The following SDK1 variants were observed in gnomAD, a reference collection of about 807,000 sequenced individuals.
SDK1 encodes the protein protein sidekick-1.
A neutral mutation model predicts 245.5 loss-of-function variants in SDK1; 157 were observed. That is an observed-to-expected ratio of 0.64 (90% confidence interval 0.56 to 0.73). The LOEUF (loss-of-function observed/expected upper bound fraction) is 0.73. SDK1 is among the 30% of genes least tolerant of loss of function. The pLI, the probability that SDK1 is intolerant of heterozygous loss-of-function variation, is 0.00. For synonymous variants in SDK1, 1,647 were observed against 1,278.5 expected, an observed-to-expected ratio of 1.29 and a Z score of -6.15; for missense variants, 3,583 against 3,002.3, an observed-to-expected ratio of 1.19 and a Z score of -4.52.
At chr7:3,832,041 A>G (rs1779925392) in intron 5 of SDK1, among the ~76,000 whole-genome samples, 1 of 152,094 alleles carries the variant, frequency 6.6e-6, no homozygotes, top group Admixed American at 6.6e-5. Flanking sequence ...ACACAGCAAG[A>G]CCCTGTCTCT....
intron 5 of SDK1, among the ~76,000 whole-genome samples, chr7:3,860,622 A>G (rs1201082380): frequency 1.3e-5 from 2 of 152,166 alleles, no homozygotes; most frequent in Admixed American, 6.5e-5. Context: ...AATAACTTTT[A>G]TTTGAGGGAT....
chr7:3,731,812 A>G (rs1779185868), intron 4 of SDK1, among the ~76,000 whole-genome samples: 1 of 152,118 alleles, frequency 6.6e-6, no homozygotes, highest in South Asian at 2.1e-4. Flanking sequence ...TATTTTTTTG[A>G]GACAGAGTCT....
intron 14 of SDK1, among the ~76,000 whole-genome samples, chr7:3,991,121 C>G (rs956292893): frequency 6.6e-6 from 1 of 152,286 alleles, no homozygotes; most frequent in East Asian, 1.9e-4. Context: ...AGTGATGTGA[C>G]TGTATAGAAG....
intron 36 of SDK1, among the ~76,000 whole-genome samples, chr7:4,206,887 G>T (rs1482921551): frequency 6.6e-6 from 1 of 152,212 alleles, no homozygotes; most frequent in African/African-American, 2.4e-5. Flanking sequence ...TTGCAGGTGT[G>T]TTATGAAAAT....
intron 1 of SDK1, among the ~76,000 whole-genome samples, chr7:3,519,021 T>C (rs1166198947): frequency 6.6e-6 from 1 of 151,950 alleles, no homozygotes; most frequent in African/African-American, 2.4e-5. Context: ...TGGAGGGCAT[T>C]ATGTTTCTTG....
At chr7:3,776,294 T>C (rs1032511259) in intron 4 of SDK1, among the ~76,000 whole-genome samples, 1 of 152,232 alleles carries the variant, frequency 6.6e-6, no homozygotes, top group Admixed American at 6.5e-5. Flanking sequence ...CAAAGGGCCA[T>C]GGGAACACTG....
At chr7:3,508,764 G>A (rs1307890764) in intron 1 of SDK1, among the ~76,000 whole-genome samples, 1 of 152,180 alleles carries the variant, frequency 6.6e-6, no homozygotes, top group African/African-American at 2.4e-5. Flanking sequence ...TAGTGCATTG[G>A]CATTGCCCCA....
At chr7:3,585,294 G>C (rs1347095311) in intron 1 of SDK1, among the ~76,000 whole-genome samples, 1 of 152,148 alleles carries the variant, frequency 6.6e-6, no homozygotes, top group Non-Finnish European at 1.5e-5. Flanking sequence ...TAATAGACCA[G>C]ACAAGAAATA....
intron 2 of SDK1, among the ~76,000 whole-genome samples, chr7:3,633,939 G>A (rs936479554): frequency 6.6e-6 from 1 of 152,028 alleles, no homozygotes; most frequent in South Asian, 2.1e-4. Context: ...GCCCTAGTTG[G>A]CACTGGACAC....
intron 38 of SDK1, among the ~76,000 whole-genome samples, chr7:4,215,409 C>T (rs145938832): frequency 6.6e-6 from 1 of 152,358 alleles, no homozygotes; most frequent in Non-Finnish European, 1.5e-5. Context: ...GGGACAATAG[C>T]TGTCATGAGG....
At chr7:3,688,056 TA>T (rs775381080) in intron 4 of SDK1, among the ~76,000 whole-genome samples, 15 of 152,236 alleles carry the variant, frequency 9.9e-5, no homozygotes, top group Non-Finnish European at 1.6e-4. Flanking sequence ...AAAGGATTTT[TA>T]ATTGCATTTA....
intron 5 of SDK1, among the ~76,000 whole-genome samples, chr7:3,849,261 C>T (rs759414477): frequency 6.6e-6 from 1 of 152,168 alleles, no homozygotes; most frequent in Non-Finnish European, 1.5e-5. Flanking sequence ...CGGAGATGCA[C>T]CCACTCCTGG....
chr7:4,262,302 C>A (rs960970440), intron 44 of SDK1, among the ~76,000 whole-genome samples: 1 of 151,718 alleles, frequency 6.6e-6, no homozygotes, highest in Non-Finnish European at 1.5e-5. Flanking sequence ...GTGATCCGCT[C>A]GCCTCAGCCA....
chr7:3,318,682 A>T (rs1041158076), intron 1 of SDK1, among the ~76,000 whole-genome samples: 1 of 152,050 alleles, frequency 6.6e-6, no homozygotes, highest in African/African-American at 2.4e-5. Context: ...AATGTTACAT[A>T]TTTCTTTTAC....
At chr7:3,932,489 A>G (rs1174201244) in intron 5 of SDK1, among the ~76,000 whole-genome samples, 1 of 152,254 alleles carries the variant, frequency 6.6e-6, no homozygotes, top group Non-Finnish European at 1.5e-5. Flanking sequence ...GCCTTGTTCT[A>G]GCAGAGTACT....
chr7:4,079,518 C>G lies in SDK1; in HGVS notation c.3258C>G (p.Ala1086=). 1.2e-6 allele frequency: 2 copies of G among 1,614,248 alleles called. No individual in the cohort carries two copies. Among genetic ancestry groups the G allele is most frequent in the African/African-American group, 1.3e-5 (1 of 75,056 alleles). ...TTTCCAACATCAGCCCTCGCTCCGC[C>G]ACCCTTCAGTTCCGGCCAGGCTATG... is the stretch of plus-strand genomic sequence containing the variant. ...LVISNISPRS[A]TLQFRPGYDG... is the part of the protein sequence containing the mutation. Residue 1086 remains alanine (A), a synonymous_variant, in exon 22 of 45, where the codon GCC becomes GCG. Coordinates refer to ENST00000404826, the MANE Select transcript of SDK1 (RefSeq NM_152744.4).
intron 1 of SDK1, among the ~76,000 whole-genome samples, chr7:3,353,735 C>A (rs1325664543): frequency 6.6e-6 from 1 of 152,052 alleles, no homozygotes; most frequent in Admixed American, 6.5e-5. Context: ...TGATACAGTT[C>A]ATGGTTAAAG....
chr7:4,186,012 G>C (rs909442355), intron 35 of SDK1, among the ~76,000 whole-genome samples: 1 of 152,156 alleles, frequency 6.6e-6, no homozygotes, highest in Non-Finnish European at 1.5e-5. Context: ...CTAAAGCAAG[G>C]CTTCCTGTCC....
At chr7:3,568,475 C>T (rs1779998307) in intron 1 of SDK1, among the ~76,000 whole-genome samples, 1 of 152,124 alleles carries the variant, frequency 6.6e-6, no homozygotes, top group South Asian at 2.1e-4. Context: ...GGGTGATTCA[C>T]CTTTGAATCC....
Sources: allele counts gnomAD v4.1 joint callset (sites outside exome capture counted in the v4.1 genomes callset), GRCh38; gene constraint gnomAD v4.1.1; transcripts MANE v1.5; gene names NCBI Gene and HGNC (gene_info 2026-07-23, HGNC 2026-07-21).